MUSK: variants seen among roughly 807,000 people sequenced by gnomAD.
MUSK encodes muscle, skeletal receptor tyrosine-protein kinase.
In MUSK, 55 loss-of-function variants were observed where a neutral mutation model predicts 88.7. The ratio of observed to expected loss-of-function variants is 0.62; its 90% CI spans 0.50 to 0.78. The LOEUF is 0.78. Among genes scored for constraint, MUSK ranks in the 30% least tolerant of loss-of-function variants. The pLI, the probability that MUSK is intolerant of heterozygous loss-of-function variation, is 0.00. For missense variants in MUSK, 1,015 were observed against 1,074.3 expected, an observed-to-expected ratio of 0.94 and a Z score of 0.77; for synonymous variants, 387 against 391.9, an observed-to-expected ratio of 0.99 and a Z score of 0.15.
intron 5 of MUSK, among the ~76,000 whole-genome samples, chr9:110,727,850 T>C (rs563110211): frequency 6.6e-6 from 1 of 152,226 alleles, no homozygotes; most frequent in South Asian, 2.1e-4. Flanking sequence ...TACAAATAAA[T>C]ATTGCAGTTG....
intron 3 of MUSK, among the ~76,000 whole-genome samples, chr9:110,688,881 T>A (rs2076234189): frequency 2.0e-5 from 3 of 150,254 alleles, no homozygotes; most frequent in Admixed American, 1.3e-4. Flanking sequence ...GCATTTAGGT[T>A]GTTTGTGTTA....
chr9:110,711,159 G>A (rs903542892), intron 5 of MUSK, among the ~76,000 whole-genome samples: 2 of 152,146 alleles, frequency 1.3e-5, no homozygotes, highest in African/African-American at 4.8e-5. Context: ...TGTAAATGAT[G>A]AGTTAATGGG....
At position 110,800,986 on chromosome 9, in the gene MUSK, T is replaced by G; in HGVS notation, c.2608T>G (p.Ter870GluextTer2). The part of the protein sequence containing the change: ...CERAEGTVSV[*>E] Reference sequence around the variant, plus strand: ...GAGGGCAGAGGGAACTGTGAGTGTCTAAGGTTGAAGACGTTCAAATAAAAT... The same window carrying G: ...GAGGGCAGAGGGAACTGTGAGTGTCGAAGGTTGAAGACGTTCAAATAAAAT... Residue 870 changes from the stop codon to glutamate, a stop_lost, in exon 15 of 15, where the codon TAA (stop) becomes GAA (glutamate). Transcript: ENST00000374448. 6.6e-7 allele frequency: 1 copy of G among 1,511,452 alleles called. No individual in the cohort carries two copies. Among genetic ancestry groups the G allele is most frequent in the Non-Finnish European group, 8.8e-7 (1 of 1,132,908 alleles). The allele number at this position is 1,511,452 out of a possible 1,614,324, so 93.6% of individuals were successfully genotyped here. A position where few individuals can be genotyped will look rare whatever the true frequency, so the allele number is the denominator to read the frequency against.
chr9:110,752,173 A>T (rs188185420), intron 7 of MUSK, among the ~76,000 whole-genome samples: 1 of 152,258 alleles, frequency 6.6e-6, no homozygotes, highest in Admixed American at 6.5e-5. Flanking sequence ...CCCATGAGAC[A>T]ACTTCCATTT....
At chr9:110,705,804 T>A (rs2076590687) in intron 5 of MUSK, among the ~76,000 whole-genome samples, 1 of 152,190 alleles carries the variant, frequency 6.6e-6, no homozygotes, top group Admixed American at 6.5e-5. Context: ...TGGAGGCTCT[T>A]CTGGAAAGGT....
intron 6 of MUSK, among the ~76,000 whole-genome samples, chr9:110,742,226 G>A (rs565583529): frequency 1.3e-5 from 2 of 152,138 alleles, no homozygotes. Context: ...GGAGGCCAAG[G>A]TGGGAGGATT....
chr9:110,735,062 A>G (rs2077012452), intron 6 of MUSK, among the ~76,000 whole-genome samples: 1 of 152,126 alleles, frequency 6.6e-6, no homozygotes, highest in African/African-American at 2.4e-5. Context: ...AAAAGGAGAC[A>G]GAAAGTTCAA....
intron 1 of MUSK, 121 bp downstream of exon 1, chr9:110,669,104 G>T: frequency 1.1e-6 from 1 of 883,948 alleles, no homozygotes; most frequent in South Asian, 1.4e-5. Flanking sequence ...AAGAAGTAAG[G>T]GTGAAATGTA....
intron 5 of MUSK, among the ~76,000 whole-genome samples, chr9:110,700,842 T>C (rs2076492217): frequency 1.3e-5 from 2 of 152,166 alleles, no homozygotes; most frequent in Admixed American, 6.5e-5. Context: ...TTTACACCTG[T>C]TGTCCTGGAA....
At chr9:110,692,435 A>T (rs1031476276) in intron 3 of MUSK, among the ~76,000 whole-genome samples, 4 of 152,012 alleles carry the variant, frequency 2.6e-5, no homozygotes, top group African/African-American at 9.7e-5. Context: ...TGGCCTTCCA[A>T]AGTATCGAGA....
rs376100544 is a variant in MUSK at position 110,672,751 on chromosome 9, T to C, written c.79+3768T>C. On this transcript the variant is annotated intron_variant, in intron 1 of 14. Coordinates refer to ENST00000374448, the MANE Select transcript of MUSK (RefSeq NM_005592.4). ...TTTTACTAAAATAGAAAGGAGCAAA[T>C]ACACCTTGTTTCTTTATGTACCCAA... Among the ~76,000 whole-genome samples, 13 of 152,056 alleles carry C rather than the reference T, an allele frequency of 8.5e-5. No individual in the cohort carries two copies. The East Asian group carries it at 1.5e-3, about 18-fold the overall frequency.
chr9:110,703,342 G>T (rs1023689389), intron 5 of MUSK, among the ~76,000 whole-genome samples: 1 of 152,062 alleles, frequency 6.6e-6, no homozygotes, highest in Non-Finnish European at 1.5e-5. Context: ...TTCAAGACCA[G>T]CCTGGCCAAC....
rs1451802531 is a variant in MUSK, at chr9:110,803,209, A to G, written c.*2221A>G. 6.6e-6 allele frequency among the ~76,000 whole-genome samples: 1 copy of G among 152,252 alleles called. No individual in the cohort carries two copies. The highest frequency in any genetic ancestry group is 2.4e-5 in the African/African-American group (1 of 41,470). Reference sequence around the variant, plus strand: ...ATAATATCAGCTAGCATTTATTGAAATCTTACCATGTGTATTCTGAGGCCT... The same window carrying G: ...ATAATATCAGCTAGCATTTATTGAAGTCTTACCATGTGTATTCTGAGGCCT... On this transcript the variant is annotated 3_prime_UTR_variant, in exon 15 of 15. Transcript: ENST00000374448.
At chr9:110,762,832 A>T (rs536432003) in intron 8 of MUSK, among the ~76,000 whole-genome samples, 1 of 152,366 alleles carries the variant, frequency 6.6e-6, no homozygotes, top group African/African-American at 2.4e-5. Flanking sequence ...CACATAGCCT[A>T]CGTTTAAAAA....
intron 14 of MUSK, among the ~76,000 whole-genome samples, chr9:110,790,141 A>G (rs2077947990): frequency 1.3e-5 from 2 of 152,228 alleles, no homozygotes; most frequent in Non-Finnish European, 2.9e-5. Context: ...AGTATTTTAA[A>G]TAGGTGAAAG....
chr9:110,784,775 A>G (rs1159819746), intron 11 of MUSK, 40 bp from the exon 12 acceptor site: 2 of 1,526,964 alleles, frequency 1.3e-6, no homozygotes, highest in African/African-American at 1.4e-5. Flanking sequence ...TGCTTCTTAA[A>G]GGTTTGAGAA....
At chr9:110,738,762 T>A (rs1047800503) in intron 6 of MUSK, among the ~76,000 whole-genome samples, 5 of 152,180 alleles carry the variant, frequency 3.3e-5, no homozygotes, top group African/African-American at 1.2e-4. Context: ...GTTGGCTTTA[T>A]ACCTTCTGTG....
At chr9:110,785,483 C>G in intron 12 of MUSK, 44 bp from the exon 13 acceptor site, 1 of 1,483,892 alleles carries the variant, frequency 6.7e-7, no homozygotes, top group Non-Finnish European at 9.1e-7. Context: ...AAAGATCTAA[C>G]CTGCTTCTGA....
In MUSK at chr9:110,767,946, G is replaced by GCTA; in HGVS notation, c.1050_1052dup (p.Leu351dup). The stretch of plus-strand genomic sequence containing the variant: ...ATGCGGACCCTGAGGAGGCCCAAGA[G>GCTA]CTACTGGTCCACACGGCCTGGAATG... On this transcript the variant is annotated inframe_insertion, in exon 9 of 15. Coordinates refer to ENST00000374448, the MANE Select transcript of MUSK (RefSeq NM_005592.4). 6.2e-7 allele frequency: 1 copy of GCTA among 1,613,944 alleles called. No individual in the cohort carries two copies. The highest frequency in any genetic ancestry group is 8.5e-7 in the Non-Finnish European group (1 of 1,179,886).
Sources: gnomAD v4.1 joint callset for allele counts (sites outside exome capture counted in the v4.1 genomes callset) on GRCh38, gnomAD v4.1.1 for gene constraint, MANE v1.5 for transcripts, NCBI Gene and HGNC (gene_info 2026-07-23, HGNC 2026-07-21) for gene names.